FDFT1: variants seen among roughly 807,000 people sequenced by gnomAD.
FDFT1 encodes the protein squalene synthase.
Under a neutral mutation model 46.8 loss-of-function variants are expected in FDFT1, and 68 were observed. That is an observed-to-expected ratio of 1.45 (90% CI 1.19 to 1.78). The LOEUF (loss-of-function observed/expected upper bound fraction) is 1.78, where lower values mean the gene tolerates loss of function less well. FDFT1 is among the 40% of genes most tolerant of loss of function. The pLI is 0.00. For synonymous variants in FDFT1, 351 were observed against 185.1 expected, an observed-to-expected ratio of 1.90 and a Z score of -7.28; for missense variants, 928 against 524.4, an observed-to-expected ratio of 1.77 and a Z score of -7.52.
At chr8:11,834,481 G>C (rs1811273152) in intron 7 of FDFT1, among the ~76,000 whole-genome samples, 1 of 152,176 alleles carries the variant, frequency 6.6e-6, no homozygotes, top group South Asian at 2.1e-4. Context: ...TTAAGTCAGA[G>C]AATCATCCGG....
intron 3 of FDFT1, among the ~76,000 whole-genome samples, chr8:11,814,788 A>G (rs1808210917): frequency 6.6e-6 from 1 of 150,612 alleles, no homozygotes; most frequent in Non-Finnish European, 1.5e-5. Context: ...TCATAATATA[A>G]ATTGGGTAAC....
intron 4 of FDFT1, among the ~76,000 whole-genome samples, chr8:11,822,472 C>T (rs1014414747): frequency 6.6e-6 from 1 of 152,168 alleles, no homozygotes; most frequent in Non-Finnish European, 1.5e-5. Context: ...CTGATTTGTG[C>T]TTCCTAAGTT....
At chr8:11,801,331 G>A (rs964490566), upstream of FDFT1, among the ~76,000 whole-genome samples, 2 of 152,146 alleles carry the variant, frequency 1.3e-5, no homozygotes, top group Non-Finnish European at 2.9e-5. Flanking sequence ...TTTCCTGTTT[G>A]TTTTTGAGAT....
intron 3 of FDFT1, 116 bp downstream of exon 3, chr8:11,809,966 T>C: frequency 1.3e-6 from 1 of 783,102 alleles, no homozygotes; most frequent in South Asian, 2.1e-5. Context: ...GAGGGCAGCA[T>C]AATGTGAGGG....
upstream of FDFT1, among the ~76,000 whole-genome samples, chr8:11,798,398 G>A (rs1487287203): frequency 2.0e-5 from 3 of 152,210 alleles, no homozygotes; most frequent in Non-Finnish European, 4.4e-5. Flanking sequence ...CCTGCCATAT[G>A]GGAAAGGACA....
At chr8:11,813,035 T>A (rs905987824) in intron 3 of FDFT1, among the ~76,000 whole-genome samples, 10 of 144,648 alleles carry the variant, frequency 6.9e-5, no homozygotes, top group Admixed American at 6.7e-4. Flanking sequence ...TACAGGCCAT[T>A]GCTCCAAGGC....
chr8:11,797,813 G>A (rs995910376), upstream of FDFT1: 1 of 152,274 alleles, frequency 6.6e-6, no homozygotes, highest in Admixed American at 6.5e-5. Context: ...CCAGGCAGGT[G>A]AATTGCTTGG....
chr8:11,805,143 C>T (rs1460431858), intron 1 of FDFT1, among the ~76,000 whole-genome samples: 1 of 151,660 alleles, frequency 6.6e-6, no homozygotes, highest in African/African-American at 2.4e-5. Flanking sequence ...TCTTGAACTC[C>T]TGAGCTCAAG....
intron 1 of FDFT1, chr8:11,803,963 T>C (rs567804781): frequency 3.3e-5 from 5 of 152,406 alleles, no homozygotes; most frequent in Non-Finnish European, 4.4e-5. Flanking sequence ...TTGAATTATT[T>C]TGCTACAGAA....
At chr8:11,823,942 C>T (rs369931384) in intron 4 of FDFT1, among the ~76,000 whole-genome samples, 5 of 152,064 alleles carry the variant, frequency 3.3e-5, no homozygotes, top group African/African-American at 1.2e-4. Context: ...GACAGGGTTT[C>T]ATCGTGTTGC....
intron 3 of FDFT1, among the ~76,000 whole-genome samples, chr8:11,818,908 G>C (rs1346661395): frequency 6.6e-6 from 1 of 152,012 alleles, no homozygotes; most frequent in Non-Finnish European, 1.5e-5. Context: ...ATGTTTGCTG[G>C]TTATTTTGCC....
intron 3 of FDFT1, among the ~76,000 whole-genome samples, chr8:11,813,997 GTAATAAA>G (rs1808095758): frequency 6.6e-6 from 1 of 152,116 alleles, no homozygotes; most frequent in Non-Finnish European, 1.5e-5. Flanking sequence ...GTACAATTAC[GTAATAAA>G]TAATAAAAAG....
In FDFT1 at chr8:11,802,818, G is replaced by A. The variant is rs373210887; in HGVS notation, c.-15G>A. On this transcript the variant is annotated 5_prime_UTR_variant, in exon 1 of 8. Transcript: ENST00000220584. The stretch of plus-strand genomic sequence containing the variant: ...AGGTGAGAGTCGCGCCCGGGAGTCC[G>A]CCGCCTGCGCCAGGATGGAGTTCGT... 51 of 1,598,246 alleles carry A rather than the reference G, an allele frequency of 3.2e-5. No individual in the cohort carries two copies. In the South Asian group the frequency reaches 5.4e-4, roughly 17 times the overall value.
At chr8:11,833,225 C>CTA (rs1446942281) in intron 7 of FDFT1, among the ~76,000 whole-genome samples, 2 of 152,108 alleles carry the variant, frequency 1.3e-5, no homozygotes, top group African/African-American at 2.4e-5. Context: ...TTACTTTGAT[C>CTA]TATGTGCCTG....
chr8:11,826,252 T>C (rs186477627), intron 5 of FDFT1, 37 bp downstream of exon 5: 192 of 1,412,310 alleles, frequency 1.4e-4, no homozygotes, highest in Admixed American at 1.3e-3. Context: ...AAAATAACTT[T>C]AGACATTCTC....
chr8:11,831,712 T>G, intron 7 of FDFT1, 42 bp downstream of exon 7: 1 of 1,510,932 alleles, frequency 6.6e-7, no homozygotes, highest in Non-Finnish European at 9.2e-7. Flanking sequence ...GTAGCTACTT[T>G]TATGATTTAG....
At chr8:11,799,066 C>T (rs936655320), upstream of FDFT1, among the ~76,000 whole-genome samples, 2 of 152,190 alleles carry the variant, frequency 1.3e-5, no homozygotes, top group South Asian at 2.1e-4. Context: ...GGACCTGACA[C>T]ATTGAACAAA....
In FDFT1 at chr8:11,809,661, T is replaced by C. The variant is rs764869946; in HGVS notation, c.198-6T>C. 1 of 1,584,096 alleles carries C rather than the reference T, an allele frequency of 6.3e-7. No individual in the cohort carries two copies. The highest frequency in any genetic ancestry group is 8.6e-7 in the Non-Finnish European group (1 of 1,168,080). On this transcript the variant is annotated splice_polypyrimidine_tract_variant and splice_region_variant and intron_variant, in intron 2 of 7. Coordinates refer to ENST00000220584, the MANE Select transcript of FDFT1 (RefSeq NM_004462.5). ...CAATATATTAATAGTTTTCCCTTTT[T>C]TACAGCAACGCAGTGTGCATATTTT...
intron 4 of FDFT1, among the ~76,000 whole-genome samples, chr8:11,825,695 A>AT (rs929832290): frequency 6.6e-6 from 1 of 150,698 alleles, no homozygotes; most frequent in South Asian, 2.1e-4. Flanking sequence ...TCAAAAAAAA[A>AT]ATAAAAAATA....
Sources: allele counts gnomAD v4.1 joint callset (sites outside exome capture counted in the v4.1 genomes callset), GRCh38; gene constraint gnomAD v4.1.1; transcripts MANE v1.5; gene names NCBI Gene and HGNC (gene_info 2026-07-23, HGNC 2026-07-21).